BRINP3: variants seen among roughly 807,000 people sequenced by gnomAD.
The protein encoded by BRINP3 is BMP/retinoic acid-inducible neural-specific protein 3.
BRINP3 carries 19 observed loss-of-function variants against 71.0 expected under a neutral mutation model. The observed-to-expected ratio is 0.27, with a 90% confidence interval of 0.19 to 0.39. The LOEUF is 0.39. Among genes scored for constraint, BRINP3 ranks in the 10% least tolerant of loss-of-function variants. BRINP3 has a pLI of 1.00. For synonymous variants in BRINP3, 380 were observed against 337.7 expected, an observed-to-expected ratio of 1.13 and a Z score of -1.37; for missense variants, 959 against 940.8, an observed-to-expected ratio of 1.02 and a Z score of -0.25.
At chr1:190,121,775 A>T (rs1016154306) in intron 7 of BRINP3, among the ~76,000 whole-genome samples, 1 of 152,196 alleles carries the variant, frequency 6.6e-6, no homozygotes, top group Non-Finnish European at 1.5e-5. Flanking sequence ...TTCTTTATGA[A>T]TTCTAACTGC....
At chr1:190,283,577 C>T (rs1374692513) in intron 2 of BRINP3, among the ~76,000 whole-genome samples, 1 of 150,212 alleles carries the variant, frequency 6.7e-6, no homozygotes, top group African/African-American at 2.4e-5. Context: ...TTAGTCACTT[C>T]TACAATAAAT....
intron 4 of BRINP3, among the ~76,000 whole-genome samples, chr1:190,251,380 T>A (rs1660127597): frequency 2.0e-5 from 3 of 152,032 alleles, no homozygotes. Flanking sequence ...GCTATTATTA[T>A]CTTTCTTTTA....
intron 2 of BRINP3, among the ~76,000 whole-genome samples, chr1:190,440,365 C>T (rs1674737714): frequency 6.6e-6 from 1 of 151,782 alleles, no homozygotes; most frequent in Non-Finnish European, 1.5e-5. Flanking sequence ...ATGTAAATCA[C>T]CAAACTATAC....
chr1:190,130,716 A>C (rs1041996664), intron 7 of BRINP3, among the ~76,000 whole-genome samples: 1 of 152,024 alleles, frequency 6.6e-6, no homozygotes, highest in Admixed American at 6.6e-5. Context: ...TCAGCTTTGC[A>C]TCCAGGTATA....
chr1:190,162,071 G>A (rs973572909), intron 6 of BRINP3, among the ~76,000 whole-genome samples: 3 of 151,966 alleles, frequency 2.0e-5, no homozygotes, highest in Admixed American at 6.6e-5. Context: ...AAAAAAGAAG[G>A]AAAACTAAGC....
At chr1:190,256,347 T>A (rs1660660084) in intron 4 of BRINP3, among the ~76,000 whole-genome samples, 1 of 152,172 alleles carries the variant, frequency 6.6e-6, no homozygotes, top group African/African-American at 2.4e-5. Flanking sequence ...GCTTGGTAGA[T>A]CTTCCTCCAT....
intron 2 of BRINP3, among the ~76,000 whole-genome samples, chr1:190,442,982 G>T (rs1366563171): frequency 6.9e-6 from 1 of 144,488 alleles, no homozygotes; most frequent in Non-Finnish European, 1.5e-5. Flanking sequence ...GCACAATCTC[G>T]GCTCGCTGCA....
chr1:190,437,457 C>T (rs1430863655), intron 2 of BRINP3, among the ~76,000 whole-genome samples: 1 of 151,780 alleles, frequency 6.6e-6, no homozygotes, highest in African/African-American at 2.4e-5. Context: ...ACTATCATAT[C>T]CAGGGTCCTT....
chr1:190,466,326 C>T (rs1234373938), intron 1 of BRINP3, among the ~76,000 whole-genome samples: 3 of 151,668 alleles, frequency 2.0e-5, no homozygotes, highest in South Asian at 4.2e-4. Context: ...GTAATTGCTC[C>T]CAGGCTTACC....
At chr1:190,209,911 T>G (rs1199512595) in intron 6 of BRINP3, among the ~76,000 whole-genome samples, 2 of 152,118 alleles carry the variant, frequency 1.3e-5, no homozygotes, top group Non-Finnish European at 2.9e-5. Flanking sequence ...AAAATGAAGT[T>G]TGAAAAATAG....
intron 7 of BRINP3, among the ~76,000 whole-genome samples, chr1:190,153,835 T>C (rs557107541): frequency 1.9e-4 from 29 of 152,268 alleles, no homozygotes; most frequent in Middle Eastern, 3.4e-3. Flanking sequence ...TGAGCAACAG[T>C]GTAAGACTCT....
intron 7 of BRINP3, among the ~76,000 whole-genome samples, chr1:190,145,189 G>A (rs1655782731): frequency 4.6e-5 from 7 of 151,972 alleles, no homozygotes; most frequent in Admixed American, 2.6e-4. Context: ...AAATTGCACA[G>A]GCTGATGTAT....
chr1:190,248,757 C>T (rs936363640), intron 4 of BRINP3, among the ~76,000 whole-genome samples: 1 of 151,802 alleles, frequency 6.6e-6, no homozygotes. Context: ...CAAACACACA[C>T]ACACACTCAT....
At chr1:190,248,788 A>G (rs2102804548) in intron 4 of BRINP3, among the ~76,000 whole-genome samples, 1 of 151,784 alleles carries the variant, frequency 6.6e-6, no homozygotes, top group Admixed American at 6.6e-5. Context: ...ACACCTATAT[A>G]TTGTATTGCA....
chr1:190,277,110 TATA>T (rs1558137276), intron 3 of BRINP3, among the ~76,000 whole-genome samples: 3 of 123,474 alleles, frequency 2.4e-5, no homozygotes, highest in South Asian at 2.7e-4. Context: ...TATATATATA[TATA>T]TATATTTATA....
chr1:190,443,994 A>G (rs1675018799), intron 2 of BRINP3, among the ~76,000 whole-genome samples: 1 of 152,162 alleles, frequency 6.6e-6, no homozygotes, highest in Non-Finnish European at 1.5e-5. Flanking sequence ...GCACTTTGGT[A>G]GGCTGAGGGT....
In BRINP3 at chr1:190,281,672, A is replaced by G. The variant is rs1362832341; in HGVS notation, c.315T>C (p.Pro105=). The G allele has an allele frequency of 1.1e-5, 18 of 1,612,836 alleles. No individual in the cohort carries two copies. The highest frequency in any genetic ancestry group is 1.5e-5 in the Non-Finnish European group (18 of 1,179,348). ...NFLGSPLPLA[P]EFFRNIRLLG... is the part of the protein sequence containing the mutation. ...AAAGTCTTATGTTGCGGAAGAATTC[A>G]GGGGCAAGAGGCAGAGGAGAGCCAA... is the stretch of plus-strand genomic sequence containing the variant. The change falls in exon 3 of 8, where the codon CCT becomes CCC. Residue 105 remains proline (P), a synonymous_variant. Coordinates refer to ENST00000367462, the MANE Select transcript of BRINP3 (RefSeq NM_199051.3).
In BRINP3 at chr1:190,098,949, C is replaced by G. The variant is rs201165374; in HGVS notation, c.1370G>C (p.Arg457Pro). The G allele has an allele frequency of 6.2e-7, 1 of 1,614,116 alleles. No homozygotes were observed. Among genetic ancestry groups the G allele is most frequent in the African/African-American group, 1.3e-5 (1 of 75,036 alleles). Residue 457 changes from arginine (R) to proline (P), a missense_variant, in exon 8 of 8, where the codon CGC (arginine) becomes CCC (proline). Physicochemically the swap from Arg to Pro is moderately radical, Grantham distance 103. Coordinates refer to ENST00000367462, the MANE Select transcript of BRINP3 (RefSeq NM_199051.3). The part of the protein sequence containing the change: ...SACLTCAPDN[R>P]TRCGTCNTGY... ...GGTGTTGCAGGTGCCGCAGCGGGTG[C>G]GGTTGTCTGGTGCGCATGTCAGGCA...
intron 4 of BRINP3, among the ~76,000 whole-genome samples, chr1:190,247,087 C>T (rs1015111279): frequency 2.0e-5 from 3 of 151,586 alleles, no homozygotes; most frequent in Non-Finnish European, 2.9e-5. Context: ...TACAAATAAC[C>T]GTATTATACA....
Sources: gnomAD v4.1 joint callset for allele counts (sites outside exome capture counted in the v4.1 genomes callset) on GRCh38, gnomAD v4.1.1 for gene constraint, MANE v1.5 for transcripts, NCBI Gene and HGNC (gene_info 2026-07-23, HGNC 2026-07-21) for gene names.